FOCAD: variants seen among roughly 807,000 people sequenced by gnomAD.
FOCAD encodes focadhesin, also known as KIAA1797.
Under a neutral mutation model 225.6 loss-of-function variants are expected in FOCAD, and 198 were observed. That is an observed-to-expected ratio of 0.88 (90% CI 0.78 to 0.99). The LOEUF is 0.99. FOCAD is among the 50% of genes least tolerant of loss of function. The pLI is 0.00. For missense variants in FOCAD, 2,713 were observed against 2,123.6 expected (o/e 1.28, Z -5.46); for synonymous variants, 897 against 755.0 (o/e 1.19, Z -3.08).
At chr9:20,798,927 T>G (rs996655227) in intron 11 of FOCAD, among the ~76,000 whole-genome samples, 1 of 152,216 alleles carries the variant, frequency 6.6e-6, no homozygotes, top group African/African-American at 2.4e-5. Context: ...CTAGTTCTTT[T>G]AATTGTGATA....
intron 10 of FOCAD, among the ~76,000 whole-genome samples, chr9:20,787,800 T>C (rs901084273): frequency 6.6e-6 from 1 of 152,138 alleles, no homozygotes; most frequent in Non-Finnish European, 1.5e-5. Context: ...TATATTATCT[T>C]TTTCTCCTCA....
chr9:20,781,806 AC>A lies in FOCAD; in HGVS notation c.1075del (p.Leu359TyrfsTer24). On this transcript the variant is annotated frameshift_variant, in exon 10 of 44. Coordinates refer to ENST00000338382, the MANE Select transcript of FOCAD (RefSeq NM_001375567.1). LOFTEE classifies it high-confidence loss of function. ...LLLVMPILQI[L>X]SSTALEDCIS... is the part of the protein sequence containing the mutation. ...TGCTAGTGATGCCAATTCTGCAGAT[AC>A]TATCTTCTACTGCCTTGGAAGACTG... The A allele has an allele frequency of 6.2e-7, 1 of 1,614,138 alleles. No homozygotes were observed. The highest frequency in any genetic ancestry group is 8.5e-7 in the Non-Finnish European group (1 of 1,179,972).
chr9:20,994,594 G>C (rs1841920255), intron 43 of FOCAD, among the ~76,000 whole-genome samples: 1 of 152,164 alleles, frequency 6.6e-6, no homozygotes, highest in Non-Finnish European at 1.5e-5. Context: ...TGTGTGTGCT[G>C]CAACAGTGCT....
chr9:20,720,305 A>G, intron 3 of FOCAD, 75 bp from the exon 4 acceptor site: 2 of 1,439,894 alleles, frequency 1.4e-6, no homozygotes, highest in Non-Finnish European at 1.9e-6. Context: ...TTACTCATTG[A>G]TGAATGACCA....
At chr9:20,787,355 A>T (rs926221668) in intron 10 of FOCAD, among the ~76,000 whole-genome samples, 2 of 152,192 alleles carry the variant, frequency 1.3e-5, no homozygotes, top group Non-Finnish European at 2.9e-5. Flanking sequence ...ATTATAACCT[A>T]AGCAGGAAAG....
rs544764437 is a variant in FOCAD, at chr9:20,670,823, T to C, written c.-78+11997T>C. ...TATCCCTATTTCTATGATTCCAAAG[T>C]CTAAGATCTTAACCACTCTGCCCAC... is the stretch of plus-strand genomic sequence containing the variant. On this transcript the variant is annotated intron_variant, in intron 2 of 45. Coordinates refer to the FOCAD transcript ENST00000380249. Among the ~76,000 whole-genome samples, 3 of 152,276 alleles carry C rather than the reference T, an allele frequency of 2.0e-5. No homozygotes were observed. In the East Asian group the frequency reaches 5.8e-4, roughly 29 times the overall value.
chr9:20,760,247 G>C (rs1829459298), intron 6 of FOCAD, among the ~76,000 whole-genome samples: 1 of 152,210 alleles, frequency 6.6e-6, no homozygotes, highest in African/African-American at 2.4e-5. Context: ...CATGGAGCAT[G>C]TTCCCACCCC....
At position 20,995,875 on chromosome 9, in the gene FOCAD, A is replaced by G; in HGVS notation, c.*246A>G. On this transcript the variant is annotated 3_prime_UTR_variant, in exon 44 of 44. Coordinates refer to ENST00000338382, the MANE Select transcript of FOCAD (RefSeq NM_001375567.1). The stretch of plus-strand genomic sequence containing the variant: ...ATTTTCTTTATTTGGCTTGAGTTCA[A>G]TGTGGAGATTTTCTTTGTGAAAGCT... 3.6e-6 allele frequency: 1 copy of G among 278,510 alleles called. No homozygotes were observed. The highest frequency in any genetic ancestry group is 6.8e-6 in the Non-Finnish European group (1 of 147,556). The allele number at this position is 278,510 out of a possible 1,614,324, so 17.3% of individuals were successfully genotyped here. A position where few individuals can be genotyped will look rare whatever the true frequency, so the allele number is the denominator to read the frequency against.
chr9:20,752,938 A>C lies in FOCAD; in HGVS notation c.393-5152A>C, dbSNP rs1036716866. On this transcript the variant is annotated intron_variant, in intron 5 of 43. Transcript: ENST00000338382. ...TTGAAGCAATTGGGAATGGGAGTTC[A>C]CTCATGATTTGGCTCTCTGTTTGTC... Among the ~76,000 whole-genome samples, 72 of 148,848 alleles carry C rather than the reference A, an allele frequency of 4.8e-4. No individual in the cohort carries two copies. The East Asian group carries it at 0.011, about 23-fold the overall frequency.
intron 41 of FOCAD, among the ~76,000 whole-genome samples, chr9:20,988,715 C>T (rs1841401621): frequency 6.6e-6 from 1 of 151,958 alleles, no homozygotes; most frequent in African/African-American, 2.4e-5. Flanking sequence ...GAAATATTTT[C>T]AACAAAATAT....
At chr9:20,739,935 A>G (rs796268431) in intron 4 of FOCAD, among the ~76,000 whole-genome samples, 5 of 152,110 alleles carry the variant, frequency 3.3e-5, no homozygotes, top group African/African-American at 1.2e-4. Flanking sequence ...TGGGCAACCA[A>G]TGTGGTCACT....
At chr9:20,726,444 A>G (rs1826204969) in intron 4 of FOCAD, 2 of 152,204 alleles carry the variant, frequency 1.3e-5, no homozygotes, top group South Asian at 4.1e-4. Flanking sequence ...TAAGAAGGTT[A>G]TACTCTGGAT....
intron 15 of FOCAD, among the ~76,000 whole-genome samples, chr9:20,851,165 A>G (rs985135684): frequency 6.6e-6 from 1 of 151,474 alleles, no homozygotes; most frequent in Admixed American, 6.6e-5. Flanking sequence ...AATAATTTCA[A>G]AAGTTACCAC....
At chr9:20,807,047 C>A (rs914804786) in intron 11 of FOCAD, among the ~76,000 whole-genome samples, 1 of 152,122 alleles carries the variant, frequency 6.6e-6, no homozygotes, top group Non-Finnish European at 1.5e-5. Context: ...ATGAAAATAA[C>A]AAAACAACCC....
At chr9:20,720,356 T>G (rs1372143870) in intron 3 of FOCAD, 24 bp from the exon 4 acceptor site, 1 of 1,612,146 alleles carries the variant, frequency 6.2e-7, no homozygotes, top group South Asian at 1.1e-5. Flanking sequence ...CAGAATTGTC[T>G]TCTAATCACT....
chr9:20,717,105 T>C (rs986599524), intron 2 of FOCAD, among the ~76,000 whole-genome samples: 2 of 152,356 alleles, frequency 1.3e-5, no homozygotes, highest in South Asian at 2.1e-4. Flanking sequence ...TTAATATTCA[T>C]GTAAATGAGT....
intron 28 of FOCAD, among the ~76,000 whole-genome samples, chr9:20,939,414 C>G (rs1021496454): frequency 2.5e-4 from 38 of 151,992 alleles, no homozygotes; most frequent in Non-Finnish European, 4.3e-4. Flanking sequence ...TGTAGCTTAG[C>G]TCAAGATGTT....
In FOCAD at chr9:20,758,823, A is replaced by G. The variant is rs184985432; in HGVS notation, c.494+632A>G. ...ATTCAATTATGAAAAGAGGAAGTCA[A>G]ATTGTCCCTGTTTGCAGATGACATG... On this transcript the variant is annotated intron_variant, in intron 6 of 43. Coordinates refer to ENST00000338382, the MANE Select transcript of FOCAD (RefSeq NM_001375567.1). Among the ~76,000 whole-genome samples the G allele has an allele frequency of 1.9e-3, 293 of 152,298 alleles. 5 individuals carry two copies. The East Asian group carries it at 0.043, about 23-fold the overall frequency.
At chr9:20,656,057 G>C (rs954951018), upstream of FOCAD, among the ~76,000 whole-genome samples, 8 of 151,434 alleles carry the variant, frequency 5.3e-5, no homozygotes, top group African/African-American at 1.9e-4. Flanking sequence ...TCAGGAGCAG[G>C]TTGTTCAGTT....
Sources: allele counts gnomAD v4.1 joint callset (sites outside exome capture counted in the v4.1 genomes callset), GRCh38; gene constraint gnomAD v4.1.1; transcripts MANE v1.5; gene names NCBI Gene and HGNC (gene_info 2026-07-23, HGNC 2026-07-21).